GLYCTK: variants seen among roughly 807,000 people sequenced by gnomAD.
GLYCTK encodes the protein glycerate kinase.
GLYCTK carries 22 observed loss-of-function variants against 24.8 expected under a neutral mutation model. The ratio of observed to expected loss-of-function variants is 0.89; its 90% CI spans 0.63 to 1.27. The LOEUF is 1.27. GLYCTK is among the 50% of genes most tolerant of loss of function. GLYCTK has a pLI of 0.00. For missense variants in GLYCTK, 684 were observed against 686.7 expected (o/e 1.00, Z 0.04); for synonymous variants, 320 against 297.2 (o/e 1.08, Z -0.79).
chr3:52,293,354 A>G lies in GLYCTK; in HGVS notation c.*228A>G, dbSNP rs1043876799. On this transcript the variant is annotated 3_prime_UTR_variant, in exon 5 of 5. Transcript: ENST00000436784. ...CCCCCTACCCCTGAGGATGAGGACA[A>G]GCCCCTCGGCCAGTTCAGCGTTCCC... 1.5e-4 allele frequency: 104 copies of G among 696,942 alleles called. No individual in the cohort carries two copies. Among genetic ancestry groups the G allele is most frequent in the Non-Finnish European group, 2.4e-4 (91 of 382,576 alleles). 43.2% of individuals were successfully genotyped at this position (696,942 alleles called of 1,614,324 possible).
rs745935723 is a variant in GLYCTK, at chr3:52,292,333, G to A, written c.779G>A (p.Ser260Asn). ...ATTGCCAGTGGCCCCACCGTGGCCAGTTCCCACAATGTGCAAGATTGCCTG... is the reference window on the plus strand; with the variant it reads ...ATTGCCAGTGGCCCCACCGTGGCCAATTCCCACAATGTGCAAGATTGCCTG... The part of the protein sequence containing the change: ...EVIASGPTVA[S>N]SHNVQDCLHI... The change falls in exon 5 of 5, where the codon AGT becomes AAT. Residue 260 changes from serine to asparagine, a missense_variant. Physicochemically the swap from Ser to Asn is conservative, Grantham distance 46 (BLOSUM62 1). Transcript: ENST00000436784. 3 of 1,614,024 alleles carry A rather than the reference G, an allele frequency of 1.9e-6. No individual in the cohort carries two copies. Among genetic ancestry groups the A allele is most frequent in the Non-Finnish European group, 2.5e-6 (3 of 1,179,984 alleles).
rs947531870 is a variant in GLYCTK, at chr3:52,294,754, G to A, written c.*1628G>A. 2.2e-6 allele frequency: 1 copy of A among 451,018 alleles called. No homozygotes were observed. Among genetic ancestry groups the A allele is most frequent in the African/African-American group, 2.0e-5 (1 of 49,908 alleles). The allele number at this position is 451,018 out of a possible 1,614,324, so 27.9% of individuals were successfully genotyped here. A position where few individuals can be genotyped will look rare whatever the true frequency, so the allele number is the denominator to read the frequency against. ...CCTTGCTCTTGGGAGCATGAGTATTGGCACTGGGTTCCAAGTTCCAGGCAA... is the reference window on the plus strand; with the variant it reads ...CCTTGCTCTTGGGAGCATGAGTATTAGCACTGGGTTCCAAGTTCCAGGCAA... On this transcript the variant is annotated 3_prime_UTR_variant, in exon 5 of 5. Coordinates refer to ENST00000436784, the MANE Select transcript of GLYCTK (RefSeq NM_145262.4).
intron 1 of GLYCTK, among the ~76,000 whole-genome samples, chr3:52,288,398 C>G (rs554370087): frequency 6.6e-6 from 1 of 152,068 alleles, no homozygotes; most frequent in South Asian, 2.1e-4. Context: ...TTAGAAGAGA[C>G]GGGGTTTCAC....
rs1288031858 is a variant in GLYCTK at position 52,290,397 on chromosome 3, C to T, written c.55C>T (p.Leu19Phe). Reference sequence around the variant, plus strand: ...CTTGGCCCGAGCCCCCTTGCATCCACTCCTCTGGCGGGGCTCAGTGGCCCG... The same window carrying T: ...CTTGGCCCGAGCCCCCTTGCATCCATTCCTCTGGCGGGGCTCAGTGGCCCG... Reference protein sequence around the residue: ...PRLARAPLHPLLWRGSVARLA... With the variant: ...PRLARAPLHPFLWRGSVARLA... Residue 19 changes from leucine to phenylalanine, a missense_variant, in exon 2 of 5, where the codon CTC (leucine) becomes TTC (phenylalanine). By Grantham distance (22) the Leu-to-Phe change is conservative. Transcript: ENST00000436784. 1.9e-6 allele frequency: 3 copies of T among 1,607,974 alleles called. No homozygotes were observed. In the Admixed American group the frequency reaches 5.0e-5, roughly 27 times the overall value.
intron 3 of GLYCTK, chr3:52,291,335 G>A (rs1700463014): frequency 1.6e-6 from 1 of 613,514 alleles, no homozygotes; most frequent in South Asian, 1.9e-5. Flanking sequence ...CGGTGACAGT[G>A]AGAGGGTGCA....
rs1312127797 is a variant in GLYCTK, at chr3:52,293,808, A to G, written c.*682A>G. 2.2e-6 allele frequency: 1 copy of G among 453,896 alleles called. No individual in the cohort carries two copies. Among genetic ancestry groups the G allele is most frequent in the Non-Finnish European group, 4.4e-6 (1 of 226,716 alleles). The allele number at this position is 453,896 out of a possible 1,614,324, so 28.1% of individuals were successfully genotyped here. ...CTGTCACCATGGCTTCTCCAGCCTC[A>G]GCTTGTAGGCCTCGTTGGATGGATG... On this transcript the variant is annotated 3_prime_UTR_variant, in exon 5 of 5. Transcript: ENST00000436784.
Position 52,291,803 on chromosome 3 carries a change from C to G in GLYCTK, c.586C>G (p.Gln196Glu). ...CCCACCTGTCACACTGGAGGAGAAG[C>G]AGACACTCACTAGACTGCTGGCAGC... ...PIPPVTLEEK[Q>E]TLTRLLAARG... is the part of the protein sequence containing the mutation. Residue 196 changes from glutamine to glutamate, a missense_variant, in exon 4 of 5, where the codon CAG (glutamine) becomes GAG (glutamate). Coordinates refer to ENST00000436784, the MANE Select transcript of GLYCTK (RefSeq NM_145262.4). 6.2e-7 allele frequency: 1 copy of G among 1,613,706 alleles called. No individual in the cohort carries two copies. Among genetic ancestry groups the G allele is most frequent in the Non-Finnish European group, 8.5e-7 (1 of 1,179,844 alleles).
Position 52,294,525 on chromosome 3 carries a change from C to A in GLYCTK, c.*1399C>A. On this transcript the variant is annotated 3_prime_UTR_variant, in exon 5 of 5. Transcript: ENST00000436784. ...TTGGGAGGGAGGTAAACGTGGTAAGCGGGCTCTGGGGACCAGGGAGGTTTA... is the reference window on the plus strand; with the variant it reads ...TTGGGAGGGAGGTAAACGTGGTAAGAGGGCTCTGGGGACCAGGGAGGTTTA... 1 of 381,740 alleles carries A rather than the reference C, an allele frequency of 2.6e-6. No homozygotes were observed. The highest frequency in any genetic ancestry group is 5.2e-6 in the Non-Finnish European group (1 of 192,736). 23.6% of individuals were successfully genotyped at this position (381,740 alleles called of 1,614,324 possible).
intron 3 of GLYCTK, 98 bp from the exon 4 acceptor site, chr3:52,291,649 T>C: frequency 8.3e-7 from 1 of 1,197,944 alleles, no homozygotes; most frequent in South Asian, 1.3e-5. Flanking sequence ...ACCCCACCTT[T>C]CCAGCCCCCT....
In GLYCTK at chr3:52,293,423, G is replaced by GTTT. The variant is rs775764441; in HGVS notation, c.*298_*300dup. 1 of 633,624 alleles carries GTTT rather than the reference G, an allele frequency of 1.6e-6. No homozygotes were observed. The highest frequency in any genetic ancestry group is 2.9e-6 in the Non-Finnish European group (1 of 340,758). The allele number at this position is 633,624 out of a possible 1,614,324, so 39.3% of individuals were successfully genotyped here. A position where few individuals can be genotyped will look rare whatever the true frequency, so the allele number is the denominator to read the frequency against. On this transcript the variant is annotated 3_prime_UTR_variant, in exon 5 of 5. Coordinates refer to ENST00000436784, the MANE Select transcript of GLYCTK (RefSeq NM_145262.4). The stretch of plus-strand genomic sequence containing the variant: ...GCCTCTCTCTTGAGCCCCTCACCCT[G>GTTT]TTTCTTTCTGTGAAGCGAGAATGTC...
In GLYCTK at chr3:52,293,904, C is replaced by T. The variant is rs892084847; in HGVS notation, c.*778C>T. ...GTTGAGCTGAAGTTTGTCCCACCCC[C>T]CAGTGCTGTTTCCTTGTGACAGCCC... On this transcript the variant is annotated 3_prime_UTR_variant, in exon 5 of 5. Coordinates refer to ENST00000436784, the MANE Select transcript of GLYCTK (RefSeq NM_145262.4). 6.6e-6 allele frequency: 3 copies of T among 453,950 alleles called. No individual in the cohort carries two copies. The Admixed American group carries it at 7.1e-5, about 11-fold the overall frequency. 28.1% of individuals were successfully genotyped at this position (453,950 alleles called of 1,614,324 possible).
At position 52,290,334 on chromosome 3, in the gene GLYCTK, C is replaced by T. The variant is rs967079653; in HGVS notation, c.-9C>T. ...CATGGGTGCCAGGCAGTGCTGAGAG[C>T]AGTGGGGCATGGCTGCAGCCCTGCA... On this transcript the variant is annotated 5_prime_UTR_variant, in exon 2 of 5. Coordinates refer to ENST00000436784, the MANE Select transcript of GLYCTK (RefSeq NM_145262.4). The T allele has an allele frequency of 4.4e-6, 7 of 1,595,550 alleles. No individual in the cohort carries two copies. In the East Asian group the frequency reaches 1.6e-4, roughly 36 times the overall value.
intron 1 of GLYCTK, among the ~76,000 whole-genome samples, chr3:52,289,604 C>T (rs1303589143): frequency 6.6e-6 from 1 of 152,190 alleles, no homozygotes; most frequent in African/African-American, 2.4e-5. Flanking sequence ...TTCTAAGGTT[C>T]CACCATGAGC....
rs1450710376 is a variant in GLYCTK at position 52,293,641 on chromosome 3, T to A, written c.*515T>A. ...CTCGCATAACGGGAGCCTGTGCCCA[T>A]CCCTCTGGAGTGTGTGAGGGTTGAG... On this transcript the variant is annotated 3_prime_UTR_variant, in exon 5 of 5. Coordinates refer to ENST00000436784, the MANE Select transcript of GLYCTK (RefSeq NM_145262.4). The A allele has an allele frequency of 8.8e-6, 4 of 454,294 alleles. No individual in the cohort carries two copies. Among genetic ancestry groups the A allele is most frequent in the Admixed American group, 2.3e-5 (1 of 42,564 alleles). 28.1% of individuals were successfully genotyped at this position (454,294 alleles called of 1,614,324 possible).
rs1291253248 is a variant in GLYCTK at position 52,292,747 on chromosome 3, G to A, written c.1193G>A (p.Gly398Glu). ...LEEALETMAWGRGPVCLLAGG... is the reference protein window; with the variant it reads ...LEEALETMAWERGPVCLLAGG... ...GAGGCTCTGGAGACCATGGCATGGG[G>A]AAGGGGCCCAGTCTGCCTGCTGGCT... Residue 398 changes from glycine to glutamate, a missense_variant, in exon 5 of 5, where the codon GGA becomes GAA. Gly to Glu is a moderately conservative substitution (Grantham distance 98, BLOSUM62 -2). Transcript: ENST00000436784. 1.2e-6 allele frequency: 2 copies of A among 1,608,536 alleles called. No homozygotes were observed.
In GLYCTK at chr3:52,289,980, T is replaced by G. The variant is rs1700408128; in HGVS notation, c.-39-324T>G. 6 of 310,446 alleles carry G rather than the reference T, an allele frequency of 1.9e-5. No homozygotes were observed. The South Asian group carries it at 3.3e-4, about 17-fold the overall frequency. 19.2% of individuals were successfully genotyped at this position (310,446 alleles called of 1,614,324 possible). On this transcript the variant is annotated intron_variant, in intron 1 of 4. Coordinates refer to ENST00000436784, the MANE Select transcript of GLYCTK (RefSeq NM_145262.4). ...GAGCCCACTGGTAGAAATTACTCCC[T>G]CTGTCAATGATTAACTCCCAGCCAA...
rs1172502840 is a variant in GLYCTK, at chr3:52,290,497, G to T, written c.155G>T (p.Gly52Val). Reference sequence around the variant, plus strand: ...AGTGCTGTAGGTGCAGTGCTGCCGGGCCCCATGCTGCACCGGGCACTATCC... The same window carrying T: ...AGTGCTGTAGGTGCAGTGCTGCCGGTCCCCATGCTGCACCGGGCACTATCC... ...FESAVGAVLP[G>V]PMLHRALSLD... is the part of the protein sequence containing the mutation. The change falls in exon 2 of 5, where the codon GGC (glycine) becomes GTC (valine). Residue 52 changes from glycine to valine, a missense_variant. Physicochemically the swap from Gly to Val is moderately radical, Grantham distance 109 (BLOSUM62 -3). Coordinates refer to ENST00000436784, the MANE Select transcript of GLYCTK (RefSeq NM_145262.4). 1 of 1,613,294 alleles carries T rather than the reference G, an allele frequency of 6.2e-7. No homozygotes were observed.
At chr3:52,288,229 T>A (rs986509116) in intron 1 of GLYCTK, among the ~76,000 whole-genome samples, 1 of 152,238 alleles carries the variant, frequency 6.6e-6, no homozygotes, top group East Asian at 1.9e-4. Flanking sequence ...TACATTTTTT[T>A]TGAGTTAGAA....
intron 1 of GLYCTK, chr3:52,289,018 A>C (rs1700377781): frequency 6.6e-6 from 1 of 152,240 alleles, no homozygotes; most frequent in Non-Finnish European, 1.5e-5. Flanking sequence ...TCTGTGTTGC[A>C]GTGGACAGTA....
Sources: gnomAD v4.1 joint callset for allele counts (sites outside exome capture counted in the v4.1 genomes callset) on GRCh38, gnomAD v4.1.1 for gene constraint, MANE v1.5 for transcripts, NCBI Gene and HGNC (gene_info 2026-07-23, HGNC 2026-07-21) for gene names.